Variants in CLCC1 observed in about 807,000 individuals in gnomAD.
The protein encoded by CLCC1 is chloride channel CLIC like 1.
CLCC1 carries 39 observed loss-of-function variants against 63.3 expected under a neutral mutation model. The ratio of observed to expected loss-of-function variants is 0.62; its 90% CI spans 0.48 to 0.81. CLCC1 has a LOEUF of 0.81. Among genes scored for constraint, CLCC1 ranks in the 30% least tolerant of loss-of-function variants. The pLI is 0.00. For synonymous variants in CLCC1, 217 were observed against 239.8 expected, an observed-to-expected ratio of 0.90 and a Z score of 0.88; for missense variants, 549 against 669.4, an observed-to-expected ratio of 0.82 and a Z score of 1.98.
intron 2 of CLCC1, among the ~76,000 whole-genome samples, chr1:108,955,192 T>C (rs1335510326): frequency 6.6e-6 from 1 of 151,260 alleles, no homozygotes; most frequent in Non-Finnish European, 1.5e-5. Flanking sequence ...ACAAAGGTCT[T>C]CTTCAGGAAG....
chr1:108,934,732 T>C lies in CLCC1; in HGVS notation c.1594A>G (p.Ser532Gly), dbSNP rs375876709. The change falls in exon 12 of 13, where the codon AGC becomes GGC. Residue 532 changes from serine (S) to glycine (G), a missense_variant. Physicochemically the swap from Ser to Gly is moderately conservative, Grantham distance 56. Transcript: ENST00000369969. ...GGTCCAGCCACACCTCTTGCGGGGC[T>C]GTATGTGCTGCCTTGGTCTGGGCTG... ...AGSPDQGSTY[S>G]PARGVAGPRG... 1.4e-5 allele frequency: 22 copies of C among 1,614,188 alleles called. 1 individual carries two copies. The African/African-American group carries it at 2.9e-4, about 22-fold the overall frequency.
chr1:108,957,319 A>T (rs1656047114), intron 2 of CLCC1, among the ~76,000 whole-genome samples: 1 of 151,396 alleles, frequency 6.6e-6, no homozygotes, highest in Admixed American at 6.5e-5. Context: ...CAACGGATAG[A>T]AGGGATATGC....
At chr1:108,933,135 G>A (rs1031503160) in intron 12 of CLCC1, 16 of 150,934 alleles carry the variant, frequency 1.1e-4, no homozygotes, top group African/African-American at 3.9e-4. Flanking sequence ...GTAGGCATGA[G>A]CCACTGCACC....
At chr1:108,960,010 A>G (rs901852877) in intron 2 of CLCC1, among the ~76,000 whole-genome samples, 4 of 151,998 alleles carry the variant, frequency 2.6e-5, no homozygotes, top group South Asian at 4.1e-4. Flanking sequence ...GCATACGTCT[A>G]TATTTCCAGC....
At position 108,934,616 on chromosome 1, in the gene CLCC1, A is replaced by G. The variant is rs528884883; in HGVS notation, c.*45+9T>C. The G allele has an allele frequency of 1.9e-6, 3 of 1,571,030 alleles. No individual in the cohort carries two copies. The African/African-American group carries it at 4.1e-5, about 21-fold the overall frequency. ...AGAGAAGAGAAAGAGAGTGAAGAGT[A>G]TACTTTACAAAGCTCGAAGGAGACT... On this transcript the variant is annotated intron_variant, in intron 12 of 12. Transcript: ENST00000369969.
chr1:108,939,869 A>C, intron 9 of CLCC1, 87 bp from the exon 10 acceptor site: 1 of 1,404,386 alleles, frequency 7.1e-7, no homozygotes, highest in Admixed American at 2.2e-5. Flanking sequence ...TGATGCTGAA[A>C]GTATGTTACA....
At chr1:108,934,411 T>G (rs1229916152) in intron 12 of CLCC1, 1 of 447,314 alleles carries the variant, frequency 2.2e-6, no homozygotes, top group Non-Finnish European at 3.9e-6. Context: ...GCCTGTCATC[T>G]GTTCATCTTA....
intron 12 of CLCC1, chr1:108,932,902 CAT>C (rs1267812949): frequency 6.6e-6 from 1 of 152,156 alleles, no homozygotes; most frequent in East Asian, 1.9e-4. Context: ...AATATATTAA[CAT>C]GTATAATTTT....
In CLCC1 at chr1:108,930,089, G is replaced by T. The variant is rs1475979442; in HGVS notation, c.*2458C>A. 2.7e-6 allele frequency: 2 copies of T among 737,794 alleles called. No homozygotes were observed. Among genetic ancestry groups the T allele is most frequent in the East Asian group, 5.2e-5 (2 of 38,186 alleles). The allele number at this position is 737,794 out of a possible 1,614,324, so 45.7% of individuals were successfully genotyped here. A position where few individuals can be genotyped will look rare whatever the true frequency, so the allele number is the denominator to read the frequency against. On this transcript the variant is annotated 3_prime_UTR_variant, in exon 13 of 13. Transcript: ENST00000369969. ...AGTTAACCTTCAGTAGTCTATTAAGGCATTAATACTTCTCTGGACATGCGC... is the reference window on the plus strand; with the variant it reads ...AGTTAACCTTCAGTAGTCTATTAAGTCATTAATACTTCTCTGGACATGCGC...
intron 9 of CLCC1, 60 bp downstream of exon 9, chr1:108,939,985 T>C (rs1653623831): frequency 7.1e-7 from 1 of 1,410,590 alleles, no homozygotes. Flanking sequence ...ACTAAAGTTC[T>C]TTAAAATACA....
Position 108,937,425 on chromosome 1 carries a change from G to A in CLCC1, c.1042-7C>T. ...CAGCACCATAGCAGAAACTCTGTAA[G>A]GAAAAGAAATACATTTTCCTGAGGA... On this transcript the variant is annotated splice_polypyrimidine_tract_variant and splice_region_variant and intron_variant, in intron 10 of 12. Transcript: ENST00000369969. 1 of 1,559,340 alleles carries A rather than the reference G, an allele frequency of 6.4e-7. No homozygotes were observed. Among genetic ancestry groups the A allele is most frequent in the African/African-American group, 1.4e-5 (1 of 72,748 alleles).
intron 2 of CLCC1, among the ~76,000 whole-genome samples, chr1:108,961,597 C>T (rs1656645911): frequency 6.6e-6 from 1 of 152,160 alleles, no homozygotes; most frequent in Admixed American, 6.5e-5. Flanking sequence ...CGGTGGCTCA[C>T]GCTTGTAATC....
At position 108,940,241 on chromosome 1, in the gene CLCC1, C is replaced by T. The variant is rs946733848; in HGVS notation, c.797-99G>A. 1.3e-5 allele frequency: 8 copies of T among 631,762 alleles called. No homozygotes were observed. In the Admixed American group the frequency reaches 2.5e-4, roughly 20 times the overall value. The allele number at this position is 631,762 out of a possible 1,614,324, so 39.1% of individuals were successfully genotyped here. ...TTGGTTTTGACCCTCCCTGACCACCCACCAATGAGTTTTAAATTATCTTAA... is the reference window on the plus strand; with the variant it reads ...TTGGTTTTGACCCTCCCTGACCACCTACCAATGAGTTTTAAATTATCTTAA... On this transcript the variant is annotated intron_variant, in intron 8 of 12. Coordinates refer to ENST00000369969, the MANE Select transcript of CLCC1 (RefSeq NM_001377458.1).
intron 2 of CLCC1, among the ~76,000 whole-genome samples, chr1:108,961,371 A>G (rs1656617351): frequency 6.6e-6 from 1 of 151,680 alleles, no homozygotes; most frequent in East Asian, 1.9e-4. Context: ...GATGCCGCAG[A>G]CCACACTCTT....
intron 2 of CLCC1, among the ~76,000 whole-genome samples, chr1:108,954,547 G>A (rs1408198570): frequency 1.3e-5 from 2 of 150,978 alleles, no homozygotes; most frequent in African/African-American, 2.5e-5. Flanking sequence ...CGCACAGGAG[G>A]AGGAAAACCT....
intron 3 of CLCC1, 146 bp downstream of exon 3, chr1:108,950,163 A>T: frequency 2.4e-6 from 2 of 846,110 alleles, no homozygotes; most frequent in Non-Finnish European, 1.8e-6. Flanking sequence ...AAATAATTTT[A>T]GATTAACAGT....
intron 1 of CLCC1, 117 bp downstream of exon 1, chr1:108,963,244 G>A: frequency 6.6e-6 from 4 of 605,278 alleles, no homozygotes; most frequent in Non-Finnish European, 1.2e-5. Context: ...TCCCCGCCCC[G>A]GGTCGCGCCT....
At chr1:108,946,666 C>T (rs1469950647) in intron 5 of CLCC1, among the ~76,000 whole-genome samples, 2 of 152,028 alleles carry the variant, frequency 1.3e-5, no homozygotes, top group Admixed American at 6.6e-5. Flanking sequence ...AAAGGCTGGT[C>T]TCTGACTCTC....
intron 2 of CLCC1, among the ~76,000 whole-genome samples, chr1:108,961,793 A>G (rs1245032511): frequency 1.3e-5 from 2 of 152,072 alleles, no homozygotes; most frequent in Non-Finnish European, 2.9e-5. Flanking sequence ...CAGAGAGTGC[A>G]GGTTGCGGTG....
Sources: gnomAD v4.1 joint callset for allele counts (sites outside exome capture counted in the v4.1 genomes callset) on GRCh38, gnomAD v4.1.1 for gene constraint, MANE v1.5 for transcripts, NCBI Gene and HGNC (gene_info 2026-07-23, HGNC 2026-07-21) for gene names.